Variants in DYRK1A observed in about 807,000 individuals in gnomAD.
DYRK1A encodes the protein dual specificity tyrosine phosphorylation regulated kinase 1A.
Under a neutral mutation model 79.7 loss-of-function variants are expected in DYRK1A, and 9 were observed. That is an observed-to-expected ratio of 0.11 (90% CI 0.07 to 0.20). The LOEUF (loss-of-function observed/expected upper bound fraction) is 0.20, where lower values mean the gene tolerates loss of function less well. DYRK1A is among the 10% of genes least tolerant of loss of function. The pLI is 1.00. For missense variants in DYRK1A, 622 were observed against 956.0 expected (o/e 0.65, Z 4.61); for synonymous variants, 349 against 329.7 (o/e 1.06, Z -0.63).
rs1167244439 is a variant in DYRK1A, at chr21:37,506,172, G to C, written c.1593G>C (p.Gly531=). The C allele has an allele frequency of 1.2e-6, 2 of 1,614,204 alleles. No individual in the cohort carries two copies. The highest frequency in any genetic ancestry group is 1.7e-6 in the Non-Finnish European group (2 of 1,180,044). The change falls in exon 11 of 12, where the codon GGG becomes GGC. Residue 531 remains glycine (G), a synonymous_variant. Transcript: ENST00000647188. ...DPTHQHRHSG[G]HFTAAVQAMD... Reference sequence around the variant, plus strand: ...CGCACCAGCATCGGCACAGTGGTGGGCACTTCACAGCTGCCGTGCAGGCCA... The same window carrying C: ...CGCACCAGCATCGGCACAGTGGTGGCCACTTCACAGCTGCCGTGCAGGCCA...
At chr21:37,430,325 C>G (rs181428452) in intron 2 of DYRK1A, 1 of 979,578 alleles carries the variant, frequency 1.0e-6, no homozygotes, top group African/African-American at 1.7e-5. Flanking sequence ...TGTATTAAGA[C>G]TCATGGAGAG....
At chr21:37,388,531 G>A (rs766230410) in intron 1 of DYRK1A, among the ~76,000 whole-genome samples, 4 of 152,152 alleles carry the variant, frequency 2.6e-5, no homozygotes, top group Non-Finnish European at 5.9e-5. Context: ...CCAGTATCCA[G>A]TAAGAATTCA....
At chr21:37,410,334 CAG>C (rs1602428030) in intron 1 of DYRK1A, among the ~76,000 whole-genome samples, 1 of 152,164 alleles carries the variant, frequency 6.6e-6, no homozygotes, top group Non-Finnish European at 1.5e-5. Flanking sequence ...TAGCAAAAAA[CAG>C]TGTGAACTTA....
intron 1 of DYRK1A, among the ~76,000 whole-genome samples, chr21:37,411,049 TAAAAAAA>T (rs35292922): frequency 0.024 from 1,345 of 56,446 alleles, 31 homozygotes; most frequent in African/African-American, 0.072. Context: ...ATTCTGTCTT[TAAAAAAA>T]AAAAAAAAAA....
chr21:37,417,191 A>G (rs148042047), intron 1 of DYRK1A, among the ~76,000 whole-genome samples: 2,280 of 151,650 alleles, frequency 0.015, 29 homozygotes, highest in Middle Eastern at 0.044. Context: ...TTATTAGTGT[A>G]TATATATATA....
intron 1 of DYRK1A, among the ~76,000 whole-genome samples, chr21:37,392,155 G>C (rs1296998668): frequency 6.6e-6 from 1 of 152,200 alleles, no homozygotes; most frequent in African/African-American, 2.4e-5. Flanking sequence ...GACAGTTGGG[G>C]AATAAAGCTG....
chr21:37,452,609 C>T (rs2051490952), intron 2 of DYRK1A, among the ~76,000 whole-genome samples: 1 of 152,044 alleles, frequency 6.6e-6, no homozygotes. Context: ...TGAGTTTGTA[C>T]TGGAGAGGAA....
chr21:37,474,058 T>C (rs2052316840), intron 3 of DYRK1A, among the ~76,000 whole-genome samples: 1 of 152,182 alleles, frequency 6.6e-6, no homozygotes, highest in Non-Finnish European at 1.5e-5. Context: ...GAGTGCTGTT[T>C]TTAATGTGTT....
At position 37,479,614 on chromosome 21, in the gene DYRK1A, TTTTTG is replaced by T. The variant is rs1447118808; in HGVS notation, c.301-1019_301-1015del. 3.6e-3 allele frequency among the ~76,000 whole-genome samples: 156 copies of T among 43,652 alleles called. 1 individual carries two copies. The highest frequency in any genetic ancestry group is 6.2e-3 in the African/African-American group (56 of 8,980). 28.6% of individuals were successfully genotyped at this position (43,652 alleles called of 152,430 possible). ...GTTTTGTTTTTGTTTTTGTTTTTGTTTTTTGTTTTTTTTTTTTTTTTTGGAGACAG... is the reference window on the plus strand; with the variant it reads ...GTTTTGTTTTTGTTTTTGTTTTTGTTTTTTTTTTTTTTTTTTTGGAGACAG... On this transcript the variant is annotated intron_variant, in intron 4 of 11. Coordinates refer to ENST00000647188, the MANE Select transcript of DYRK1A (RefSeq NM_001347721.2).
chr21:37,464,882 G>A (rs2051972421), intron 2 of DYRK1A, among the ~76,000 whole-genome samples: 1 of 152,146 alleles, frequency 6.6e-6, no homozygotes, highest in South Asian at 2.1e-4. Flanking sequence ...AAAAACATGG[G>A]TAATTTGCTT....
At chr21:37,507,096 C>T (rs996052526) in intron 11 of DYRK1A, among the ~76,000 whole-genome samples, 5 of 152,214 alleles carry the variant, frequency 3.3e-5, no homozygotes, top group Non-Finnish European at 7.3e-5. Flanking sequence ...TTCTTACCCA[C>T]TCTTTGCTTT....
chr21:37,453,347 G>A (rs189199955), intron 2 of DYRK1A, among the ~76,000 whole-genome samples: 141 of 152,212 alleles, frequency 9.3e-4, no homozygotes, highest in Non-Finnish European at 1.6e-3. Context: ...TGCATTGGAC[G>A]GTGCAAGTCT....
chr21:37,411,874 C>CA (rs1436615206), intron 1 of DYRK1A, among the ~76,000 whole-genome samples: 1 of 152,034 alleles, frequency 6.6e-6, no homozygotes, highest in East Asian at 1.9e-4. Context: ...TTTTGAAAAA[C>CA]AAATACAATC....
At chr21:37,417,008 T>A (rs774519647) in intron 1 of DYRK1A, among the ~76,000 whole-genome samples, 1 of 152,158 alleles carries the variant, frequency 6.6e-6, no homozygotes, top group Non-Finnish European at 1.5e-5. Flanking sequence ...TCATACTACT[T>A]TAGTTATTTT....
chr21:37,469,912 G>C (rs1261910772), intron 2 of DYRK1A, among the ~76,000 whole-genome samples: 1 of 152,186 alleles, frequency 6.6e-6, no homozygotes, highest in Non-Finnish European at 1.5e-5. Context: ...TTGGGAGGCT[G>C]AGGCGGGTGG....
chr21:37,447,261 A>G (rs938533164), intron 2 of DYRK1A, among the ~76,000 whole-genome samples: 6 of 152,090 alleles, frequency 3.9e-5, no homozygotes, highest in Non-Finnish European at 7.4e-5. Context: ...TCAGGATCTT[A>G]TGTTATAGTT....
At chr21:37,449,280 A>G (rs150136721) in intron 2 of DYRK1A, among the ~76,000 whole-genome samples, 89 of 152,312 alleles carry the variant, frequency 5.8e-4, no homozygotes, top group African/African-American at 2.0e-3. Context: ...AACACACCTA[A>G]TATTTCAGTG....
chr21:37,497,609 C>A (rs948826245), intron 9 of DYRK1A, among the ~76,000 whole-genome samples: 1 of 152,182 alleles, frequency 6.6e-6, no homozygotes, highest in African/African-American at 2.4e-5. Flanking sequence ...ATACAGGCTG[C>A]TGCTTTCTCC....
chr21:37,406,070 G>A (rs2050141285), intron 1 of DYRK1A, among the ~76,000 whole-genome samples: 1 of 151,068 alleles, frequency 6.6e-6, no homozygotes, highest in Non-Finnish European at 1.5e-5. Flanking sequence ...TTCAGGGGAC[G>A]TCCCAGTGTT....
Sources: allele counts gnomAD v4.1 joint callset (sites outside exome capture counted in the v4.1 genomes callset), GRCh38; gene constraint gnomAD v4.1.1; transcripts MANE v1.5; gene names NCBI Gene and HGNC (gene_info 2026-07-23, HGNC 2026-07-21).